Variants in PPM1H observed in about 807,000 individuals in gnomAD.
The protein encoded by PPM1H is protein phosphatase 1H.
A neutral mutation model predicts 54.9 loss-of-function variants in PPM1H; 27 were observed. The ratio of observed to expected loss-of-function variants is 0.49; its 90% CI spans 0.36 to 0.68. The LOEUF (loss-of-function observed/expected upper bound fraction) is 0.68. PPM1H is among the 30% of genes least tolerant of loss of function. PPM1H has a pLI of 0.00. For missense variants in PPM1H, 596 were observed against 667.8 expected (o/e 0.89, Z 1.19); for synonymous variants, 305 against 270.8 (o/e 1.13, Z -1.24).
At chr12:62,826,529 C>G (rs1018376440) in intron 2 of PPM1H, among the ~76,000 whole-genome samples, 2 of 152,186 alleles carry the variant, frequency 1.3e-5, no homozygotes, top group Admixed American at 6.5e-5. Flanking sequence ...TAAAGTCACA[C>G]TTCTATTGAA....
chr12:62,876,722 A>T (rs571217401), intron 1 of PPM1H, among the ~76,000 whole-genome samples: 6 of 152,304 alleles, frequency 3.9e-5, no homozygotes, highest in Admixed American at 3.3e-4. Context: ...CCATCATTTG[A>T]GGCTTCCAAT....
intron 4 of PPM1H, chr12:62,755,149 AG>A (rs1202950896): frequency 2.1e-6 from 1 of 484,406 alleles, no homozygotes; most frequent in Non-Finnish European, 3.8e-6. Flanking sequence ...ATTGTACATA[AG>A]TAGCTCTCTG....
chr12:62,794,221 C>CA (rs1428861676), intron 3 of PPM1H, among the ~76,000 whole-genome samples: 5 of 152,148 alleles, frequency 3.3e-5, no homozygotes, highest in African/African-American at 1.2e-4. Flanking sequence ...CCCGTTCTAA[C>CA]AAAAACAAAG....
chr12:62,756,946 A>G (rs1472878307), intron 4 of PPM1H, among the ~76,000 whole-genome samples: 1 of 152,162 alleles, frequency 6.6e-6, no homozygotes, highest in Non-Finnish European at 1.5e-5. Flanking sequence ...AAGGGCTCAA[A>G]GGGGAAAACT....
chr12:62,822,951 C>T (rs1366427573), intron 2 of PPM1H, among the ~76,000 whole-genome samples: 1 of 152,050 alleles, frequency 6.6e-6, no homozygotes, highest in Non-Finnish European at 1.5e-5. Context: ...TCAATAAATT[C>T]AGGAGCTGGT....
intron 7 of PPM1H, among the ~76,000 whole-genome samples, chr12:62,690,751 C>T (rs1565757956): frequency 2.0e-5 from 3 of 152,288 alleles, no homozygotes; most frequent in South Asian, 4.1e-4. Flanking sequence ...GCAGGTGGAT[C>T]ACTTGAGGTC....
At chr12:62,793,624 T>G (rs2076712884) in intron 3 of PPM1H, among the ~76,000 whole-genome samples, 1 of 150,578 alleles carries the variant, frequency 6.6e-6, no homozygotes, top group Non-Finnish European at 1.5e-5. Context: ...CTCGGGAGGT[T>G]GAGGCAGGAG....
intron 2 of PPM1H, among the ~76,000 whole-genome samples, chr12:62,803,556 C>T (rs1415015231): frequency 6.6e-6 from 1 of 151,960 alleles, no homozygotes; most frequent in African/African-American, 2.4e-5. Context: ...TCAAAATAGC[C>T]TAAAGACTTA....
chr12:62,744,750 C>T (rs991707943), intron 4 of PPM1H, among the ~76,000 whole-genome samples: 2 of 152,172 alleles, frequency 1.3e-5, no homozygotes, highest in African/African-American at 4.8e-5. Flanking sequence ...GTGCACAGTC[C>T]CTGCACTGCA....
At chr12:62,789,792 G>A (rs2076693341) in intron 3 of PPM1H, among the ~76,000 whole-genome samples, 1 of 152,136 alleles carries the variant, frequency 6.6e-6, no homozygotes, top group Non-Finnish European at 1.5e-5. Context: ...CACCTAATGA[G>A]GCCTCCCCAA....
chr12:62,670,143 A>AATTTTGT (rs1294577107), intron 8 of PPM1H, among the ~76,000 whole-genome samples: 1 of 151,016 alleles, frequency 6.6e-6, no homozygotes, highest in Non-Finnish European at 1.5e-5. Flanking sequence ...ACGCCCGGCT[A>AATTTTGT]ATTTTGTATT....
At chr12:62,703,259 C>T (rs1012575967) in intron 6 of PPM1H, among the ~76,000 whole-genome samples, 5 of 152,102 alleles carry the variant, frequency 3.3e-5, no homozygotes, top group Admixed American at 2.6e-4. Context: ...CAACTTTATC[C>T]AGAACAGTCC....
chr12:62,659,814 T>A (rs74099284), intron 9 of PPM1H, among the ~76,000 whole-genome samples: 3,359 of 152,260 alleles, frequency 0.022, 129 homozygotes, highest in African/African-American at 0.078. Context: ...AGAAGCACCT[T>A]ACCCTTCTCA....
intron 5 of PPM1H, among the ~76,000 whole-genome samples, chr12:62,726,496 T>C (rs770905248): frequency 1.3e-5 from 2 of 151,942 alleles, no homozygotes; most frequent in Non-Finnish European, 2.9e-5. Flanking sequence ...GAGAACCCAG[T>C]GTTTAAAGCA....
intron 1 of PPM1H, among the ~76,000 whole-genome samples, chr12:62,838,336 T>TGG (rs1402157440): frequency 8.7e-5 from 9 of 103,108 alleles, no homozygotes; most frequent in African/African-American, 2.8e-4. Flanking sequence ...TGTGTGTGTG[T>TGG]GTGGGGGGGG....
At chr12:62,727,311 C>T (rs2076295310) in intron 5 of PPM1H, among the ~76,000 whole-genome samples, 1 of 151,840 alleles carries the variant, frequency 6.6e-6, no homozygotes, top group South Asian at 2.1e-4. Context: ...GAATACAGGA[C>T]ATTCTGACCT....
chr12:62,706,862 G>C (rs986978728), intron 6 of PPM1H, among the ~76,000 whole-genome samples: 1 of 152,170 alleles, frequency 6.6e-6, no homozygotes, highest in Non-Finnish European at 1.5e-5. Flanking sequence ...TCACATTCTA[G>C]GTTTTTATAA....
At chr12:62,831,409 T>C (rs1868355048) in intron 2 of PPM1H, among the ~76,000 whole-genome samples, 3 of 152,158 alleles carry the variant, frequency 2.0e-5, no homozygotes, top group African/African-American at 7.2e-5. Flanking sequence ...ACTGCTTTAT[T>C]CCCCAGAAAC....
At chr12:62,755,198 A>G in intron 4 of PPM1H, 1 of 629,330 alleles carries the variant, frequency 1.6e-6, no homozygotes, top group East Asian at 3.2e-5. Context: ...CTTCTCTCTC[A>G]TTGACAGCTG....
Sources: gnomAD v4.1 joint callset for allele counts (sites outside exome capture counted in the v4.1 genomes callset) on GRCh38, gnomAD v4.1.1 for gene constraint, MANE v1.5 for transcripts, NCBI Gene and HGNC (gene_info 2026-07-23, HGNC 2026-07-21) for gene names.